Variants in PDK1 observed in about 807,000 individuals in gnomAD.
The protein encoded by PDK1 is pyruvate dehydrogenase kinase 1, also known as [Pyruvate dehydrogenase (acetyl-transferring)] kinase isozyme 1, mitochondrial.
Under a neutral mutation model 54.2 loss-of-function variants are expected in PDK1, and 39 were observed. That is an observed-to-expected ratio of 0.72 (90% CI 0.56 to 0.94). The LOEUF (loss-of-function observed/expected upper bound fraction) is 0.94. Among genes scored for constraint, PDK1 ranks in the 40% least tolerant of loss-of-function variants. The pLI, the probability that PDK1 is intolerant of heterozygous loss-of-function variation, is 0.00. For missense variants in PDK1, 552 were observed against 566.0 expected (o/e 0.98, Z 0.25); for synonymous variants, 221 against 207.1 (o/e 1.07, Z -0.58).
chr2:172,562,654 A>C, intron 3 of PDK1: 1 of 769,448 alleles, frequency 1.3e-6, no homozygotes, highest in Non-Finnish European at 2.2e-6. Flanking sequence ...TCTGATTTTA[A>C]AGGAAAGCTA....
chr2:172,574,981 G>A (rs1354113150), intron 8 of PDK1, among the ~76,000 whole-genome samples: 2 of 152,158 alleles, frequency 1.3e-5, no homozygotes, highest in African/African-American at 2.4e-5. Context: ...TCACTATTAA[G>A]TATGATGTTA....
At chr2:172,672,517 A>T in the PDK1 span, among the ~76,000 whole-genome samples, 2 of 152,098 alleles carry the variant, frequency 1.3e-5, no homozygotes, top group Non-Finnish European at 2.9e-5. Flanking sequence ...ACCTCGTTTA[A>T]TTGTGCTTTG....
At chr2:172,624,071 C>T in the PDK1 span, among the ~76,000 whole-genome samples, 1 of 152,212 alleles carries the variant, frequency 6.6e-6, no homozygotes, top group African/African-American at 2.4e-5. Context: ...AGCTACCAAT[C>T]ATCAGATCTC....
chr2:172,574,781 A>C (rs946406796), intron 8 of PDK1, among the ~76,000 whole-genome samples: 11 of 152,136 alleles, frequency 7.2e-5, no homozygotes, highest in African/African-American at 2.7e-4. Flanking sequence ...TGTATCCTGC[A>C]TCCTTGCCAA....
the PDK1 span, among the ~76,000 whole-genome samples, chr2:172,711,730 G>A: frequency 6.6e-6 from 1 of 151,878 alleles, no homozygotes; most frequent in African/African-American, 2.4e-5. Flanking sequence ...GCCAGGCATG[G>A]TGGTGCAGGC....
the PDK1 span, among the ~76,000 whole-genome samples, chr2:172,712,421 CT>C: frequency 6.6e-6 from 1 of 152,198 alleles, no homozygotes; most frequent in Non-Finnish European, 1.5e-5. Context: ...GCTTTCGCTA[CT>C]GGCTCCGATC....
At chr2:172,656,304 C>A in the PDK1 span, among the ~76,000 whole-genome samples, 1 of 152,096 alleles carries the variant, frequency 6.6e-6, no homozygotes, top group African/African-American at 2.4e-5. Context: ...AGCTGTAAAC[C>A]CTTGTTATCT....
chr2:172,663,726 CA>C, the PDK1 span, among the ~76,000 whole-genome samples: 1 of 152,174 alleles, frequency 6.6e-6, no homozygotes, highest in Non-Finnish European at 1.5e-5. Flanking sequence ...AAATGCTGGG[CA>C]GGAAGCACTC....
intron 3 of PDK1, among the ~76,000 whole-genome samples, chr2:172,563,523 T>C (rs1219621748): frequency 1.3e-5 from 2 of 152,136 alleles, no homozygotes; most frequent in Admixed American, 6.5e-5. Flanking sequence ...AGAAAATTGG[T>C]TTCGTTACTG....
At chr2:172,626,065 A>T in the PDK1 span, among the ~76,000 whole-genome samples, 1 of 152,102 alleles carries the variant, frequency 6.6e-6, no homozygotes, top group Admixed American at 6.5e-5. Flanking sequence ...TCTTTCTAAC[A>T]TTTTTTTCTT....
chr2:172,693,686 C>T, the PDK1 span, among the ~76,000 whole-genome samples: 2 of 152,110 alleles, frequency 1.3e-5, no homozygotes, highest in African/African-American at 2.4e-5. Context: ...AATAAAGAAT[C>T]GGACTCTATT....
At chr2:172,594,986 C>T (rs957503165) in intron 10 of PDK1, among the ~76,000 whole-genome samples, 1 of 152,076 alleles carries the variant, frequency 6.6e-6, no homozygotes, top group African/African-American at 2.4e-5. Flanking sequence ...AGATTCAAAC[C>T]CAGGGCCAAT....
the PDK1 span, among the ~76,000 whole-genome samples, chr2:172,645,752 C>A: frequency 6.6e-6 from 1 of 152,206 alleles, no homozygotes; most frequent in Non-Finnish European, 1.5e-5. Context: ...TCACTGCAAC[C>A]TTCTCCATCT....
At chr2:172,655,684 G>A in the PDK1 span, among the ~76,000 whole-genome samples, 8,023 of 152,294 alleles carry the variant, frequency 0.053, 405 homozygotes, top group East Asian at 0.22. Flanking sequence ...CCCCTTACGG[G>A]ATGGGGAGCA....
At chr2:172,705,173 C>CA in the PDK1 span, among the ~76,000 whole-genome samples, 2 of 152,006 alleles carry the variant, frequency 1.3e-5, no homozygotes, top group Non-Finnish European at 2.9e-5. Flanking sequence ...ATAAAATGTA[C>CA]AAAAAAATGT....
Position 172,562,117 on chromosome 2 carries a change from T to C in PDK1, c.339-103T>C, listed in dbSNP as rs1179042808. 7 of 669,468 alleles carry C rather than the reference T, an allele frequency of 1.0e-5. No homozygotes were observed. In the East Asian group the frequency reaches 1.9e-4, roughly 18 times the overall value. 41.5% of individuals were successfully genotyped at this position (669,468 alleles called of 1,614,324 possible). On this transcript the variant is annotated intron_variant, in intron 2 of 10. Transcript: ENST00000282077. ...CCATAATTTATAGCAGTATTCTAAA[T>C]TAAAAATTATAAAATGCTAAAAATA...
the PDK1 span, among the ~76,000 whole-genome samples, chr2:172,669,771 T>A: frequency 2.0e-5 from 3 of 152,384 alleles, no homozygotes; most frequent in Admixed American, 6.5e-5. Flanking sequence ...GAGCATTTTT[T>A]AATTTATCTG....
At chr2:172,653,242 T>C in the PDK1 span, among the ~76,000 whole-genome samples, 3 of 152,158 alleles carry the variant, frequency 2.0e-5, no homozygotes, top group Non-Finnish European at 4.4e-5. Flanking sequence ...ATTTAATAAA[T>C]GGTGCTGTGA....
At chr2:172,690,529 C>T in the PDK1 span, among the ~76,000 whole-genome samples, 44 of 146,306 alleles carry the variant, frequency 3.0e-4, no homozygotes, top group Non-Finnish European at 5.8e-4. Flanking sequence ...ATAAATCATG[C>T]TACTATAAAG....
Sources: allele counts gnomAD v4.1 joint callset (sites outside exome capture counted in the v4.1 genomes callset), GRCh38; gene constraint gnomAD v4.1.1; transcripts MANE v1.5; gene names NCBI Gene and HGNC (gene_info 2026-07-23, HGNC 2026-07-21).